IFNA1: variants seen among roughly 807,000 people sequenced by gnomAD.
IFNA1 encodes the protein interferon alpha 1.
For synonymous variants in IFNA1, 52 were observed against 86.8 expected (o/e 0.60, Z 2.23); for missense variants, 130 against 219.8 (o/e 0.59, Z 2.58).
rs1162910378 is a variant in IFNA1, at chr9:21,440,608, A to G, written c.101A>G (p.Asn34Ser). 6.2e-7 allele frequency: 1 copy of G among 1,612,170 alleles called. No individual in the cohort carries two copies. Among genetic ancestry groups the G allele is most frequent in the African/African-American group, 1.3e-5 (1 of 74,440 alleles). The part of the protein sequence containing the change: ...CDLPETHSLD[N>S]RRTLMLLAQM... ...CTCCCTGAGACCCACAGCCTGGATA[A>G]CAGGAGGACCTTGATGCTCCTGGCA... Residue 34 changes from asparagine (N) to serine (S), a missense_variant, in exon 1 of 1, where the codon AAC (asparagine) becomes AGC (serine). Coordinates refer to ENST00000276927, the MANE Select transcript of IFNA1 (RefSeq NM_024013.3).
the IFNA1 span, chr9:21,440,694 C>T: frequency 6.3e-7 from 1 of 1,596,660 alleles, no homozygotes; most frequent in East Asian, 2.2e-5. Flanking sequence ...TGGATTTCCC[C>T]AGGAGGAGTT....
chr9:21,441,264 G>A lies in IFNA1; in HGVS notation c.*187G>A. On this transcript the variant is annotated 3_prime_UTR_variant, in exon 1 of 1. Transcript: ENST00000276927. Reference sequence around the variant, plus strand: ...ATTATTTTTGTTCATATAACGTCATGTGCACCTTTACACTGTGGTTAGTGT... The same window carrying A: ...ATTATTTTTGTTCATATAACGTCATATGCACCTTTACACTGTGGTTAGTGT... 3.3e-6 allele frequency: 3 copies of A among 896,902 alleles called. No individual in the cohort carries two copies. The highest frequency in any genetic ancestry group is 2.8e-5 in the East Asian group (1 of 35,202). The allele number at this position is 896,902 out of a possible 1,614,324, so 55.6% of individuals were successfully genotyped here.
Position 21,441,120 on chromosome 9 carries a change from C to T in IFNA1, c.*43C>T, listed in dbSNP as rs914631916. 1.9e-6 allele frequency: 3 copies of T among 1,609,676 alleles called. No homozygotes were observed. The highest frequency in any genetic ancestry group is 2.5e-6 in the Non-Finnish European group (3 of 1,178,368). On this transcript the variant is annotated 3_prime_UTR_variant, in exon 1 of 1. Transcript: ENST00000276927. ...AAACAATTCTTATTGACTCATACAC[C>T]AGGTCACGCTTTCATGAATTCTGTC...
At position 21,440,751 on chromosome 9, in the gene IFNA1, G is replaced by A; in HGVS notation, c.244G>A (p.Glu82Lys). 6.7e-7 allele frequency: 1 copy of A among 1,482,914 alleles called. No individual in the cohort carries two copies. Among genetic ancestry groups the A allele is most frequent in the Non-Finnish European group, 9.2e-7 (1 of 1,087,192 alleles). The allele number at this position is 1,482,914 out of a possible 1,614,324, so 91.9% of individuals were successfully genotyped here. ...QKAPAISVLHELIQQIFNLFT... is the reference protein window; with the variant it reads ...QKAPAISVLHKLIQQIFNLFT... ...GGCTCCAGCCATCTCTGTCCTCCAT[G>A]AGCTGATCCAGCAGATCTTCAACCT... The change falls in exon 1 of 1, where the codon GAG becomes AAG. Residue 82 changes from glutamate to lysine, a missense_variant. Glu to Lys is a moderately conservative substitution (Grantham distance 56). Transcript: ENST00000276927.
In IFNA1 at chr9:21,440,676, C is replaced by T. The variant is rs376864266; in HGVS notation, c.169C>T (p.His57Tyr). The T allele has an allele frequency of 3.7e-6, 6 of 1,603,106 alleles. No individual in the cohort carries two copies. The African/African-American group carries it at 5.5e-5, about 15-fold the overall frequency. ...TCCTTCCTCCTGTCTGATGGACAGA[C>T]ATGACTTTGGATTTCCCCAGGAGGA... ...ISPSSCLMDR[H>Y]DFGFPQEEFD... Residue 57 changes from histidine to tyrosine, a missense_variant, in exon 1 of 1, where the codon CAT (histidine) becomes TAT (tyrosine). By Grantham distance (83) the His-to-Tyr change is moderately conservative. Transcript: ENST00000276927.
Position 21,440,959 on chromosome 9 carries a change from C to G in IFNA1, c.452C>G (p.Thr151Ser). Residue 151 changes from threonine to serine, a missense_variant, in exon 1 of 1, where the codon ACT becomes AGT. Physicochemically the swap from Thr to Ser is moderately conservative, Grantham distance 58. Transcript: ENST00000276927. ...GTGAAGAAATACTTCCGAAGAATCACTCTCTATCTGACAGAGAAGAAATAC... is the reference window on the plus strand; with the variant it reads ...GTGAAGAAATACTTCCGAAGAATCAGTCTCTATCTGACAGAGAAGAAATAC... ...LAVKKYFRRITLYLTEKKYSP... is the reference protein window; with the variant it reads ...LAVKKYFRRISLYLTEKKYSP... 8.7e-6 allele frequency: 14 copies of G among 1,608,520 alleles called. No individual in the cohort carries two copies. Among genetic ancestry groups the G allele is most frequent in the Non-Finnish European group, 1.2e-5 (14 of 1,178,436 alleles).
In IFNA1 at chr9:21,440,785, C is replaced by G; in HGVS notation, c.278C>G (p.Thr93Arg). The change falls in exon 1 of 1, where the codon ACA (threonine) becomes AGA (arginine). Residue 93 changes from threonine to arginine, a missense_variant. Physicochemically the swap from Thr to Arg is moderately conservative, Grantham distance 71 (BLOSUM62 -1). Transcript: ENST00000276927. ...LIQQIFNLFT[T>R]KDSSAAWDED... ...CAGCAGATCTTCAACCTCTTTACCA[C>G]AAAAGATTCATCTGCTGCTTGGGAT... The G allele has an allele frequency of 1.4e-6, 2 of 1,420,046 alleles. No individual in the cohort carries two copies. Among genetic ancestry groups the G allele is most frequent in the Non-Finnish European group, 1.9e-6 (2 of 1,045,720 alleles). 88.0% of individuals were successfully genotyped at this position (1,420,046 alleles called of 1,614,324 possible).
Position 21,440,955 on chromosome 9 carries a change from A to G in IFNA1, c.448A>G (p.Ile150Val). Residue 150 changes from isoleucine to valine, a missense_variant, in exon 1 of 1, where the codon ATC becomes GTC. Coordinates refer to ENST00000276927, the MANE Select transcript of IFNA1 (RefSeq NM_024013.3). ...ILAVKKYFRR[I>V]TLYLTEKKYS... ...GGCTGTGAAGAAATACTTCCGAAGA[A>G]TCACTCTCTATCTGACAGAGAAGAA... 1.2e-6 allele frequency: 2 copies of G among 1,607,416 alleles called. No homozygotes were observed. Among genetic ancestry groups the G allele is most frequent in the Non-Finnish European group, 1.7e-6 (2 of 1,177,828 alleles).
chr9:21,440,965 A>G lies in IFNA1; in HGVS notation c.458A>G (p.Tyr153Cys), dbSNP rs371192309. Residue 153 changes from tyrosine to cysteine, a missense_variant, in exon 1 of 1, where the codon TAT becomes TGT. By Grantham distance (194) the Tyr-to-Cys change is radical. Coordinates refer to ENST00000276927, the MANE Select transcript of IFNA1 (RefSeq NM_024013.3). ...AAATACTTCCGAAGAATCACTCTCTATCTGACAGAGAAGAAATACAGCCCT... is the reference window on the plus strand; with the variant it reads ...AAATACTTCCGAAGAATCACTCTCTGTCTGACAGAGAAGAAATACAGCCCT... ...VKKYFRRITL[Y>C]LTEKKYSPCA... 29 of 1,609,246 alleles carry G rather than the reference A, an allele frequency of 1.8e-5. No individual in the cohort carries two copies. The highest frequency in any genetic ancestry group is 6.8e-5 in the Admixed American group (4 of 59,098).
chr9:21,440,562 A>C lies in IFNA1; in HGVS notation c.55A>C (p.Ser19Arg). 1 of 1,613,862 alleles carries C rather than the reference A, an allele frequency of 6.2e-7. No homozygotes were observed. The highest frequency in any genetic ancestry group is 1.1e-5 in the South Asian group (1 of 91,062). Reference sequence around the variant, plus strand: ...CCTGGTGGTGCTCAGCTGCAAGTCAAGCTGCTCTCTGGGCTGTGATCTCCC... The same window carrying C: ...CCTGGTGGTGCTCAGCTGCAAGTCACGCTGCTCTCTGGGCTGTGATCTCCC... ...MVLVVLSCKS[S>R]CSLGCDLPET... The change falls in exon 1 of 1, where the codon AGC becomes CGC. Residue 19 changes from serine to arginine, a missense_variant. Coordinates refer to ENST00000276927, the MANE Select transcript of IFNA1 (RefSeq NM_024013.3).
Position 21,440,729 on chromosome 9 carries a change from T to C in IFNA1, c.222T>C (p.Ala74=). ...TTGATGGCAACCAGTTCCAGAAGGC[T>C]CCAGCCATCTCTGTCCTCCATGAGC... is the stretch of plus-strand genomic sequence containing the variant. ...EEFDGNQFQK[A]PAISVLHELI... The change falls in exon 1 of 1, where the codon GCT becomes GCC. Residue 74 remains alanine (A), a synonymous_variant. Transcript: ENST00000276927. 1 of 1,536,546 alleles carries C rather than the reference T, an allele frequency of 6.5e-7. No individual in the cohort carries two copies. The highest frequency in any genetic ancestry group is 8.9e-7 in the Non-Finnish European group (1 of 1,124,744).
rs751357005 is a variant in IFNA1 at position 21,440,716 on chromosome 9, A to T, written c.209A>T (p.Gln70Leu). The change falls in exon 1 of 1, where the codon CAG becomes CTG. Residue 70 changes from glutamine (Q) to leucine (L), a missense_variant. Physicochemically the swap from Gln to Leu is moderately radical, Grantham distance 113 (BLOSUM62 -2). Coordinates refer to ENST00000276927, the MANE Select transcript of IFNA1 (RefSeq NM_024013.3). ...CCCCAGGAGGAGTTTGATGGCAACC[A>T]GTTCCAGAAGGCTCCAGCCATCTCT... is the stretch of plus-strand genomic sequence containing the variant. Reference protein sequence around the residue: ...GFPQEEFDGNQFQKAPAISVL... With the variant: ...GFPQEEFDGNLFQKAPAISVL... 39 of 1,571,376 alleles carry T rather than the reference A, an allele frequency of 2.5e-5. 1 individual carries two copies. The South Asian group carries it at 4.4e-4, about 18-fold the overall frequency.
Position 21,441,215 on chromosome 9 carries a change from T to C in IFNA1, c.*138T>C, listed in dbSNP as rs1586976270. On this transcript the variant is annotated 3_prime_UTR_variant, in exon 1 of 1. Transcript: ENST00000276927. Reference sequence around the variant, plus strand: ...AAACTGATTTATCTATTTAAATATTTATTTAACTATTCATAAGATTTAAAT... The same window carrying C: ...AAACTGATTTATCTATTTAAATATTCATTTAACTATTCATAAGATTTAAAT... 8.0e-7 allele frequency: 1 copy of C among 1,247,614 alleles called. No individual in the cohort carries two copies. The highest frequency in any genetic ancestry group is 1.5e-5 in the African/African-American group (1 of 65,292). 77.3% of individuals were successfully genotyped at this position (1,247,614 alleles called of 1,614,324 possible).
In IFNA1 at chr9:21,441,032, C is replaced by A; in HGVS notation, c.525C>A (p.Leu175=). ...EVVRAEIMRS[L]SLSTNLQERL... The stretch of plus-strand genomic sequence containing the variant: ...TCAGAGCAGAAATCATGAGATCCCT[C>A]TCTTTATCAACAAACTTGCAAGAAA... Residue 175 remains leucine (L), a synonymous_variant, in exon 1 of 1, where the codon CTC becomes CTA. Transcript: ENST00000276927. The A allele has an allele frequency of 6.2e-7, 1 of 1,611,314 alleles. No individual in the cohort carries two copies. The highest frequency in any genetic ancestry group is 2.2e-5 in the East Asian group (1 of 44,866).
rs1270613031 is a variant in IFNA1 at position 21,440,641 on chromosome 9, G to A, written c.134G>A (p.Ser45Asn). The A allele has an allele frequency of 1.2e-6, 2 of 1,610,578 alleles. No homozygotes were observed. Among genetic ancestry groups the A allele is most frequent in the Non-Finnish European group, 1.7e-6 (2 of 1,178,772 alleles). Residue 45 changes from serine to asparagine, a missense_variant, in exon 1 of 1, where the codon AGC (serine) becomes AAC (asparagine). Ser to Asn is a conservative substitution (Grantham distance 46, BLOSUM62 1). Coordinates refer to ENST00000276927, the MANE Select transcript of IFNA1 (RefSeq NM_024013.3). ...ACCTTGATGCTCCTGGCACAAATGA[G>A]CAGAATCTCTCCTTCCTCCTGTCTG... Reference protein sequence around the residue: ...RRTLMLLAQMSRISPSSCLMD... With the variant: ...RRTLMLLAQMNRISPSSCLMD...
Position 21,440,593 on chromosome 9 carries a change from C to T in IFNA1, c.86C>T (p.Thr29Ile). The change falls in exon 1 of 1, where the codon ACC (threonine) becomes ATC (isoleucine). Residue 29 changes from threonine (T) to isoleucine (I), a missense_variant. Thr to Ile is a moderately conservative substitution (Grantham distance 89). Transcript: ENST00000276927. Reference sequence around the variant, plus strand: ...TCTCTGGGCTGTGATCTCCCTGAGACCCACAGCCTGGATAACAGGAGGACC... The same window carrying T: ...TCTCTGGGCTGTGATCTCCCTGAGATCCACAGCCTGGATAACAGGAGGACC... ...SCSLGCDLPE[T>I]HSLDNRRTLM... 6.2e-7 allele frequency: 1 copy of T among 1,612,590 alleles called. No homozygotes were observed. Among genetic ancestry groups the T allele is most frequent in the Non-Finnish European group, 8.5e-7 (1 of 1,179,646 alleles).
Position 21,441,170 on chromosome 9 carries a change from A to C in IFNA1, c.*93A>C, listed in dbSNP as rs543506195. On this transcript the variant is annotated 3_prime_UTR_variant, in exon 1 of 1. Coordinates refer to ENST00000276927, the MANE Select transcript of IFNA1 (RefSeq NM_024013.3). The stretch of plus-strand genomic sequence containing the variant: ...CATTTCAAAGACTCTCACCCCTGCT[A>C]TAACTATGACCATGCTGATAAACTG... The C allele has an allele frequency of 3.2e-6, 5 of 1,545,428 alleles. No individual in the cohort carries two copies. The African/African-American group carries it at 6.9e-5, about 21-fold the overall frequency.
Position 21,441,109 on chromosome 9 carries a change from G to A in IFNA1, c.*32G>A. 1.9e-6 allele frequency: 3 copies of A among 1,612,696 alleles called. No homozygotes were observed. The highest frequency in any genetic ancestry group is 2.5e-6 in the Non-Finnish European group (3 of 1,179,682). ...GTCCAACATGAAAACAATTCTTATT[G>A]ACTCATACACCAGGTCACGCTTTCA... On this transcript the variant is annotated 3_prime_UTR_variant, in exon 1 of 1. Transcript: ENST00000276927.
Position 21,441,136 on chromosome 9 carries a change from G to T in IFNA1, c.*59G>T. ...CTCATACACCAGGTCACGCTTTCAT[G>T]AATTCTGTCATTTCAAAGACTCTCA... On this transcript the variant is annotated 3_prime_UTR_variant, in exon 1 of 1. Coordinates refer to ENST00000276927, the MANE Select transcript of IFNA1 (RefSeq NM_024013.3). 5 of 1,601,214 alleles carry T rather than the reference G, an allele frequency of 3.1e-6. No homozygotes were observed. Among genetic ancestry groups the T allele is most frequent in the Non-Finnish European group, 4.3e-6 (5 of 1,174,932 alleles).
Sources: gnomAD v4.1 joint callset for allele counts on GRCh38, gnomAD v4.1.1 for gene constraint, MANE v1.5 for transcripts, NCBI Gene and HGNC (gene_info 2026-07-23, HGNC 2026-07-21) for gene names.